The following PRIM2 variants were observed in gnomAD, a reference collection of about 807,000 sequenced individuals.
PRIM2 encodes the protein DNA primase subunit 2.
A neutral mutation model predicts 67.3 loss-of-function variants in PRIM2; 39 were observed. That is an observed-to-expected ratio of 0.58 (90% confidence interval 0.45 to 0.76). The LOEUF (loss-of-function observed/expected upper bound fraction) is 0.76. PRIM2 is among the 30% of genes least tolerant of loss of function. The pLI, the probability that PRIM2 is intolerant of heterozygous loss-of-function variation, is 0.00. For synonymous variants in PRIM2, 143 were observed against 198.7 expected (o/e 0.72, Z 2.36); for missense variants, 398 against 598.7 (o/e 0.66, Z 3.50).
intron 7 of PRIM2, among the ~76,000 whole-genome samples, chr6:57,445,757 C>A (rs1394007722): frequency 6.6e-6 from 1 of 152,148 alleles, no homozygotes; most frequent in African/African-American, 2.4e-5. Context: ...TTTCAGATTC[C>A]TCTCTTTATA....
At position 57,481,404 on chromosome 6, in the gene PRIM2, C is replaced by G. The variant is rs1393414496; in HGVS notation, c.694-25983C>G. On this transcript the variant is annotated intron_variant, in intron 7 of 13. Transcript: ENST00000615550. ...TGTTGTTGTTGTTCAGGATAATGCC[C>G]TGGAGATCCATCCAAGTTGTTGCAT... 1.8e-3 allele frequency among the ~76,000 whole-genome samples: 280 copies of G among 152,206 alleles called. 3 individuals are homozygous for G. Among genetic ancestry groups the G allele is most frequent in the African/African-American group, 6.3e-3 (263 of 41,518 alleles).
chr6:57,418,404 T>G (rs796628960), intron 7 of PRIM2, among the ~76,000 whole-genome samples: 2 of 130,740 alleles, frequency 1.5e-5, no homozygotes, highest in African/African-American at 2.8e-5. Flanking sequence ...TTTTTTTTTT[T>G]TTTTTTTTTT....
At chr6:57,361,826 T>A (rs1769210916) in intron 5 of PRIM2, among the ~76,000 whole-genome samples, 2 of 152,178 alleles carry the variant, frequency 1.3e-5, no homozygotes, top group Admixed American at 1.3e-4. Context: ...AGGAAAAGAC[T>A]GATTTCAGGA....
chr6:57,326,992 C>A (rs1204924039), intron 5 of PRIM2, among the ~76,000 whole-genome samples: 3 of 150,608 alleles, frequency 2.0e-5, no homozygotes, highest in Non-Finnish European at 4.4e-5. Flanking sequence ...CAACCTCCAC[C>A]TTCTGGGTTC....
intron 5 of PRIM2, among the ~76,000 whole-genome samples, chr6:57,366,665 G>A (rs1247873515): frequency 2.0e-5 from 3 of 152,206 alleles, no homozygotes; most frequent in Non-Finnish European, 2.9e-5. Context: ...GATTTGGACC[G>A]TGCCTGTTCC....
the PRIM2 span, among the ~76,000 whole-genome samples, chr6:57,262,623 A>G: frequency 6.6e-6 from 1 of 152,096 alleles, no homozygotes; most frequent in East Asian, 1.9e-4. Flanking sequence ...GTTGCCTCTT[A>G]GTGTTCCCAA....
the PRIM2 span, among the ~76,000 whole-genome samples, chr6:57,253,226 G>T: frequency 3.3e-5 from 5 of 152,044 alleles, no homozygotes; most frequent in Admixed American, 1.3e-4. Context: ...TAGGGGCAAA[G>T]AAACCGGTGT....
chr6:57,562,076 C>G (rs1362974272), intron 10 of PRIM2, among the ~76,000 whole-genome samples: 2 of 152,082 alleles, frequency 1.3e-5, no homozygotes, highest in African/African-American at 4.8e-5. Context: ...CAACATTTAT[C>G]AACTAAGTTT....
chr6:57,484,246 C>T (rs1302847366), intron 7 of PRIM2, among the ~76,000 whole-genome samples: 2 of 152,170 alleles, frequency 1.3e-5, no homozygotes, highest in African/African-American at 4.8e-5. Context: ...TGGATGATTG[C>T]ATAAAGCCTT....
chr6:57,310,692 C>A (rs943899571), upstream of PRIM2, among the ~76,000 whole-genome samples: 1 of 150,012 alleles, frequency 6.7e-6, no homozygotes, highest in African/African-American at 2.5e-5. Context: ...GGCAGAGACA[C>A]CCCTCACCTC....
At position 57,537,593 on chromosome 6, in the gene PRIM2, G is replaced by T. The variant is rs1194205542; in HGVS notation, c.988G>T (p.Glu330Ter). The change falls in exon 10 of 14, where the codon GAA (glutamate) becomes TAA (stop). Residue 330 changes from glutamate to a stop codon, truncating the protein, a stop_gained. Coordinates refer to ENST00000615550, the MANE Select transcript of PRIM2 (RefSeq NM_000947.5). LOFTEE classifies it high-confidence loss of function. ...ACAGGCATTGCAGTTCTGGAAGCAA[G>T]AATTTATCAAAGGAAAGATGGATCC... ...LEQALQFWKQ[E>*]FIKGKMDPDK... is the part of the protein sequence containing the mutation. 4 of 1,553,456 alleles carry T rather than the reference G, an allele frequency of 2.6e-6. No individual in the cohort carries two copies. The highest frequency in any genetic ancestry group is 3.5e-6 in the Non-Finnish European group (4 of 1,148,654).
intron 7 of PRIM2, among the ~76,000 whole-genome samples, chr6:57,470,215 A>C (rs1472199271): frequency 6.6e-6 from 1 of 152,014 alleles, no homozygotes; most frequent in East Asian, 2.0e-4. Flanking sequence ...ATCACATCTT[A>C]CAAATATTTG....
At chr6:57,299,129 A>T in the PRIM2 span, among the ~76,000 whole-genome samples, 1 of 152,034 alleles carries the variant, frequency 6.6e-6, no homozygotes, top group Non-Finnish European at 1.5e-5. Context: ...GTAGGAGTCC[A>T]GTAAGATAAT....
At chr6:57,631,706 A>G (rs1777039798) in intron 12 of PRIM2, among the ~76,000 whole-genome samples, 2 of 152,220 alleles carry the variant, frequency 1.3e-5, no homozygotes, top group African/African-American at 4.8e-5. Flanking sequence ...TAAACCATTA[A>G]CGTGGAAAAT....
chr6:57,443,430 A>T (rs1353606290), intron 7 of PRIM2, among the ~76,000 whole-genome samples: 1 of 152,202 alleles, frequency 6.6e-6, no homozygotes, highest in Non-Finnish European at 1.5e-5. Flanking sequence ...CATCTTTTTG[A>T]TAAAAGCCAT....
chr6:57,539,060 A>G (rs1418992659), intron 10 of PRIM2, among the ~76,000 whole-genome samples: 3 of 152,322 alleles, frequency 2.0e-5, no homozygotes, highest in Middle Eastern at 3.4e-3. Context: ...AAAAGCTGTT[A>G]TAGTTTTTTC....
At chr6:57,407,221 C>T (rs568528069) in intron 7 of PRIM2, among the ~76,000 whole-genome samples, 1 of 151,972 alleles carries the variant, frequency 6.6e-6, no homozygotes, top group Non-Finnish European at 1.5e-5. Flanking sequence ...TGGATTTTGG[C>T]GGGGCAACTA....
chr6:57,296,736 C>T, the PRIM2 span, among the ~76,000 whole-genome samples: 1 of 151,994 alleles, frequency 6.6e-6, no homozygotes, highest in African/African-American at 2.4e-5. Context: ...ACTGTACCAA[C>T]GAGCATGCCT....
chr6:57,372,443 A>G (rs1331648108), intron 5 of PRIM2, among the ~76,000 whole-genome samples: 3 of 152,234 alleles, frequency 2.0e-5, no homozygotes, highest in Non-Finnish European at 2.9e-5. Flanking sequence ...GTAAAATAGC[A>G]TAGTAACTAG....
Sources: gnomAD v4.1 joint callset for allele counts (sites outside exome capture counted in the v4.1 genomes callset) on GRCh38, gnomAD v4.1.1 for gene constraint, MANE v1.5 for transcripts, NCBI Gene and HGNC (gene_info 2026-07-23, HGNC 2026-07-21) for gene names.